CSMD1: variants seen among roughly 807,000 people sequenced by gnomAD.
The protein encoded by CSMD1 is CUB and sushi domain-containing protein 1.
CSMD1 carries 213 observed loss-of-function variants against 417.5 expected under a neutral mutation model. The observed-to-expected ratio is 0.51, with a 90% CI of 0.46 to 0.57. CSMD1 has a LOEUF of 0.57. CSMD1 is among the 20% of genes least tolerant of loss of function. The pLI, the probability that CSMD1 is intolerant of heterozygous loss-of-function variation, is 0.00. For synonymous variants in CSMD1, 2,862 were observed against 1,736.8 expected, an observed-to-expected ratio of 1.65 and a Z score of -16.11; for missense variants, 6,923 against 4,529.7, an observed-to-expected ratio of 1.53 and a Z score of -15.17.
chr8:3,907,451 G>A (rs778649271), intron 5 of CSMD1, among the ~76,000 whole-genome samples: 4 of 152,086 alleles, frequency 2.6e-5, no homozygotes, highest in African/African-American at 7.2e-5. Context: ...CAAAGCTGTC[G>A]AGGTACACTT....
rs55721083 is a variant in CSMD1 at position 3,408,750 on chromosome 8, G to C, written c.1745-525C>G. On this transcript the variant is annotated intron_variant, in intron 13 of 69. Transcript: ENST00000635120. ...TCATGTTCTAGTTGGATAATATAAA[G>C]TATTTTGAAAAATTTACTTTTAAGA... is the stretch of plus-strand genomic sequence containing the variant. 5.9e-5 allele frequency among the ~76,000 whole-genome samples: 9 copies of C among 151,756 alleles called. No individual in the cohort carries two copies. The South Asian group carries it at 1.7e-3, about 28-fold the overall frequency.
intron 4 of CSMD1, among the ~76,000 whole-genome samples, chr8:4,021,937 TC>T (rs1796808329): frequency 6.6e-6 from 1 of 151,876 alleles, no homozygotes; most frequent in Non-Finnish European, 1.5e-5. Context: ...GCTCTTTTGA[TC>T]TTTATTTTTT....
intron 4 of CSMD1, among the ~76,000 whole-genome samples, chr8:4,019,870 G>A (rs1373110387): frequency 6.7e-6 from 1 of 148,462 alleles, no homozygotes. Context: ...CTCTCCTCAA[G>A]TCAGTCTGCT....
chr8:4,836,347 G>C (rs1800490148), intron 1 of CSMD1, among the ~76,000 whole-genome samples: 1 of 152,108 alleles, frequency 6.6e-6, no homozygotes, highest in Non-Finnish European at 1.5e-5. Flanking sequence ...GTCTTATGAA[G>C]ACTTCTATGT....
intron 3 of CSMD1, among the ~76,000 whole-genome samples, chr8:4,397,407 A>G (rs1468481602): frequency 6.6e-6 from 1 of 152,180 alleles, no homozygotes; most frequent in African/African-American, 2.4e-5. Context: ...CTTCATTCAA[A>G]ATAAGAAATC....
chr8:3,197,111 C>A (rs17079607), intron 33 of CSMD1, among the ~76,000 whole-genome samples: 3,281 of 152,316 alleles, frequency 0.022, 110 homozygotes, highest in African/African-American at 0.074. Context: ...TCTAGACTTA[C>A]ATTGCTTCAG....
intron 3 of CSMD1, among the ~76,000 whole-genome samples, chr8:4,057,040 G>T (rs1308763642): frequency 1.3e-5 from 2 of 152,106 alleles, no homozygotes; most frequent in Non-Finnish European, 2.9e-5. Context: ...TAGTCCTTTG[G>T]GTATGTACCC....
rs59163027 is a variant in CSMD1 at position 3,761,347 on chromosome 8, G to A, written c.819-7305C>T. Among the ~76,000 whole-genome samples the A allele has an allele frequency of 3.7e-3, 569 of 152,024 alleles. 18 individuals are homozygous for A. In the East Asian group the frequency reaches 0.064, roughly 17 times the overall value. On this transcript the variant is annotated intron_variant, in intron 5 of 69. Transcript: ENST00000635120. Reference sequence around the variant, plus strand: ...ATTTACATAGTTACCAATATTTCTAGAAATTTAATTCAAAAGTTTTGTGCA... The same window carrying A: ...ATTTACATAGTTACCAATATTTCTAAAAATTTAATTCAAAAGTTTTGTGCA...
rs575099071 is a variant in CSMD1 at position 3,555,651 on chromosome 8, A to AT, written c.1344+19293dup. On this transcript the variant is annotated intron_variant, in intron 10 of 69. Coordinates refer to ENST00000635120, the MANE Select transcript of CSMD1 (RefSeq NM_033225.6). ...AAATTTAAAGTAAATATGGAAGTACATGTACACTTGAATCTGATAACTTAA... is the reference window on the plus strand; with the variant it reads ...AAATTTAAAGTAAATATGGAAGTACATTGTACACTTGAATCTGATAACTTAA... Among the ~76,000 whole-genome samples, 52 of 152,340 alleles carry AT rather than the reference A, an allele frequency of 3.4e-4. No homozygotes were observed. In the East Asian group the frequency reaches 8.5e-3, roughly 25 times the overall value.
At chr8:4,486,953 C>T (rs901674983) in intron 2 of CSMD1, among the ~76,000 whole-genome samples, 5 of 152,144 alleles carry the variant, frequency 3.3e-5, no homozygotes, top group Admixed American at 3.3e-4. Flanking sequence ...TAAATGGTAG[C>T]TCACAGAGAG....
At chr8:3,113,223 G>C (rs1816638268) in intron 42 of CSMD1, 1 of 152,312 alleles carries the variant, frequency 6.6e-6, no homozygotes, top group African/African-American at 2.4e-5. Context: ...GTCTGCCTGG[G>C]AGACACTGGT....
At chr8:3,341,183 T>G (rs1238937314) in intron 23 of CSMD1, among the ~76,000 whole-genome samples, 1 of 152,022 alleles carries the variant, frequency 6.6e-6, no homozygotes, top group African/African-American at 2.4e-5. Context: ...GACGCAAGCC[T>G]TCTGGGTGAG....
In CSMD1 at chr8:3,018,563, C is replaced by A; in HGVS notation, c.7943G>T (p.Cys2648Phe). Residue 2648 changes from cysteine to phenylalanine, a missense_variant, in exon 52 of 70, where the codon TGC (cysteine) becomes TTC (phenylalanine). Transcript: ENST00000635120. Reference sequence around the variant, plus strand: ...CCCCACAAGCGTGTAGCCGGTGTTGCACGTAAATATAGCTGTGGCCCCATA... The same window carrying A: ...CCCCACAAGCGTGTAGCCGGTGTTGAACGTAAATATAGCTGTGGCCCCATA... ...TVYGATAIFT[C>F]NTGYTLVGSH... 6.2e-7 allele frequency: 1 copy of A among 1,613,596 alleles called. No homozygotes were observed. The highest frequency in any genetic ancestry group is 8.5e-7 in the Non-Finnish European group (1 of 1,179,816).
chr8:4,958,116 G>A (rs1451163438), intron 1 of CSMD1, among the ~76,000 whole-genome samples: 1 of 152,002 alleles, frequency 6.6e-6, no homozygotes, highest in Non-Finnish European at 1.5e-5. Context: ...CAAATTCTAT[G>A]AGGTCTTTCC....
chr8:3,106,340 G>C (rs180885954), intron 46 of CSMD1, among the ~76,000 whole-genome samples, 188 bp downstream of exon 46: 23 of 152,228 alleles, frequency 1.5e-4, no homozygotes, highest in African/African-American at 5.5e-4. Context: ...TGAGGCTGTG[G>C]TGAGCCATGA....
intron 2 of CSMD1, among the ~76,000 whole-genome samples, chr8:4,446,386 A>G (rs1798790178): frequency 6.6e-6 from 1 of 152,046 alleles, no homozygotes; most frequent in Non-Finnish European, 1.5e-5. Context: ...CAACTCCATA[A>G]AAACAAACAA....
At chr8:4,772,245 C>T (rs1796639198) in intron 1 of CSMD1, among the ~76,000 whole-genome samples, 1 of 152,200 alleles carries the variant, frequency 6.6e-6, no homozygotes, top group South Asian at 2.1e-4. Flanking sequence ...AATCCTCACA[C>T]TCCTCTATCC....
chr8:4,653,299 C>T (rs1029226902), intron 1 of CSMD1, among the ~76,000 whole-genome samples: 10 of 152,170 alleles, frequency 6.6e-5, no homozygotes, highest in South Asian at 2.1e-4. Flanking sequence ...ATTAAGGTGA[C>T]GATCACTAGG....
At chr8:4,330,390 T>C (rs537498948) in intron 3 of CSMD1, among the ~76,000 whole-genome samples, 22 of 152,046 alleles carry the variant, frequency 1.4e-4, no homozygotes, top group Admixed American at 3.3e-4. Flanking sequence ...AGGTCAGGAG[T>C]TCAGACCAGC....
Sources: allele counts gnomAD v4.1 joint callset (sites outside exome capture counted in the v4.1 genomes callset), GRCh38; gene constraint gnomAD v4.1.1; transcripts MANE v1.5; gene names NCBI Gene and HGNC (gene_info 2026-07-23, HGNC 2026-07-21).